Variants in LRMDA observed in about 807,000 individuals in gnomAD.
LRMDA encodes the protein leucine-rich melanocyte differentiation-associated protein.
A neutral mutation model predicts 29.8 loss-of-function variants in LRMDA; 18 were observed. That is an observed-to-expected ratio of 0.60 (90% CI 0.42 to 0.90). The LOEUF (loss-of-function observed/expected upper bound fraction) is 0.90. Ranked by LOEUF, LRMDA falls within the 40% of genes least tolerant of loss-of-function variation. The probability of loss-of-function intolerance (pLI) is 0.00; values close to 1 mark genes in which losing one functional copy is unlikely to be tolerated. For missense variants in LRMDA, 273 were observed against 273.9 expected, an observed-to-expected ratio of 1.00 and a Z score of 0.02; for synonymous variants, 125 against 109.4, an observed-to-expected ratio of 1.14 and a Z score of -0.89.
intron 5 of LRMDA, among the ~76,000 whole-genome samples, chr10:76,129,744 C>T (rs544009588): frequency 6.6e-6 from 1 of 152,276 alleles, no homozygotes; most frequent in South Asian, 2.1e-4. Context: ...TCCCCAGCAC[C>T]CACACTTGTA....
At chr10:75,434,959 C>T (rs898808625) in intron 1 of LRMDA, among the ~76,000 whole-genome samples, 2 of 152,280 alleles carry the variant, frequency 1.3e-5, no homozygotes, top group Non-Finnish European at 2.9e-5. Flanking sequence ...TGGGTGTGTA[C>T]ATAGGTGGGG....
intron 6 of LRMDA, among the ~76,000 whole-genome samples, chr10:76,435,885 A>G (rs1842239746): frequency 6.6e-6 from 1 of 152,214 alleles, no homozygotes; most frequent in Admixed American, 6.5e-5. Flanking sequence ...ATAATGATAA[A>G]AAGACCGAAC....
intron 2 of LRMDA, among the ~76,000 whole-genome samples, chr10:76,008,428 C>G (rs1847713137): frequency 6.6e-6 from 1 of 152,150 alleles, no homozygotes. Context: ...TTGCCTGCTG[C>G]ACCCTTTCTC....
At chr10:75,897,589 C>T (rs1030337043) in intron 2 of LRMDA, among the ~76,000 whole-genome samples, 2 of 151,666 alleles carry the variant, frequency 1.3e-5, no homozygotes, top group Non-Finnish European at 2.9e-5. Context: ...CTAATCAGTC[C>T]TTTCATTTTA....
At chr10:76,306,227 A>G (rs943742338) in intron 5 of LRMDA, among the ~76,000 whole-genome samples, 4 of 152,206 alleles carry the variant, frequency 2.6e-5, no homozygotes, top group African/African-American at 9.7e-5. Context: ...TGGAATTCCA[A>G]ATGTTAGCAT....
At chr10:76,113,599 T>A (rs933215566) in intron 5 of LRMDA, among the ~76,000 whole-genome samples, 1 of 152,106 alleles carries the variant, frequency 6.6e-6, no homozygotes, top group Non-Finnish European at 1.5e-5. Context: ...TTTTTCAGAT[T>A]TCCCCCCATT....
At chr10:75,437,825 T>C (rs946834712) in intron 1 of LRMDA, among the ~76,000 whole-genome samples, 13 of 152,196 alleles carry the variant, frequency 8.5e-5, no homozygotes, top group African/African-American at 2.7e-4. Context: ...CCTGTTGCCT[T>C]CAAATCAGCT....
intron 2 of LRMDA, among the ~76,000 whole-genome samples, chr10:76,003,249 A>G (rs970859544): frequency 3.3e-5 from 5 of 152,110 alleles, no homozygotes; most frequent in African/African-American, 9.7e-5. Flanking sequence ...GTGGGTGGAA[A>G]ATCAGAGGCC....
chr10:76,378,991 G>A (rs1265875012), intron 6 of LRMDA, among the ~76,000 whole-genome samples: 1 of 151,620 alleles, frequency 6.6e-6, no homozygotes, highest in Non-Finnish European at 1.5e-5. Flanking sequence ...CGGGTAGCTG[G>A]TATTACAGGC....
intron 6 of LRMDA, among the ~76,000 whole-genome samples, chr10:76,338,984 T>C (rs985074765): frequency 1.3e-5 from 2 of 152,124 alleles, no homozygotes; most frequent in African/African-American, 4.8e-5. Flanking sequence ...AGCAGAAACT[T>C]CTAGAAATAC....
intron 6 of LRMDA, among the ~76,000 whole-genome samples, chr10:76,430,067 A>G (rs1220745471): frequency 6.6e-6 from 1 of 152,246 alleles, no homozygotes; most frequent in Non-Finnish European, 1.5e-5. Flanking sequence ...ATGATATCAT[A>G]ACAGCTGGAA....
At chr10:76,241,177 T>C (rs1168333713) in intron 5 of LRMDA, among the ~76,000 whole-genome samples, 2 of 152,136 alleles carry the variant, frequency 1.3e-5, no homozygotes, top group Non-Finnish European at 2.9e-5. Context: ...TTGCAGGTGA[T>C]GGGTGCACCA....
intron 6 of LRMDA, among the ~76,000 whole-genome samples, chr10:76,451,206 A>ATT (rs377314126): frequency 3.5e-4 from 50 of 142,372 alleles, no homozygotes; most frequent in African/African-American, 9.0e-4. Context: ...TCTGATTTGC[A>ATT]TTTTTTTTTT....
chr10:75,726,388 G>A (rs1842631554), intron 2 of LRMDA, among the ~76,000 whole-genome samples: 1 of 152,200 alleles, frequency 6.6e-6, no homozygotes, highest in African/African-American at 2.4e-5. Context: ...AACTGTTGCT[G>A]ACTTACTTAG....
intron 6 of LRMDA, among the ~76,000 whole-genome samples, chr10:76,480,021 C>A (rs1057295342): frequency 2.6e-5 from 4 of 151,936 alleles, no homozygotes; most frequent in Non-Finnish European, 5.9e-5. Flanking sequence ...ATTTTACTTA[C>A]ATTATTTCAT....
chr10:76,131,145 C>T (rs1564660884), intron 5 of LRMDA, among the ~76,000 whole-genome samples: 2 of 152,218 alleles, frequency 1.3e-5, no homozygotes, highest in Non-Finnish European at 2.9e-5. Flanking sequence ...TCCACTGCCC[C>T]CTTCACCATC....
intron 5 of LRMDA, among the ~76,000 whole-genome samples, chr10:76,268,183 AC>A (rs1450790505): frequency 1.3e-5 from 2 of 152,128 alleles, no homozygotes; most frequent in Non-Finnish European, 2.9e-5. Context: ...GTTAACCCTA[AC>A]CCAAACCCTA....
At chr10:75,547,768 T>G (rs1430073834) in intron 2 of LRMDA, among the ~76,000 whole-genome samples, 2 of 152,200 alleles carry the variant, frequency 1.3e-5, no homozygotes. Context: ...ATTAACTTTC[T>G]TGGAGTTTCA....
chr10:76,226,781 G>A (rs1018943274), intron 5 of LRMDA, among the ~76,000 whole-genome samples: 3 of 152,094 alleles, frequency 2.0e-5, no homozygotes, highest in South Asian at 2.1e-4. Context: ...TCCTCCATGA[G>A]TGGAATCAGC....
Sources: gnomAD v4.1 joint callset for allele counts (sites outside exome capture counted in the v4.1 genomes callset) on GRCh38, gnomAD v4.1.1 for gene constraint, MANE v1.5 for transcripts, NCBI Gene and HGNC (gene_info 2026-07-23, HGNC 2026-07-21) for gene names.